Variants in PLOD1 observed in about 807,000 individuals in gnomAD.
PLOD1 encodes the protein procollagen-lysine,2-oxoglutarate 5-dioxygenase 1.
Under a neutral mutation model 94.7 loss-of-function variants are expected in PLOD1, and 70 were observed. The ratio of observed to expected loss-of-function variants is 0.74; its 90% CI spans 0.61 to 0.90. The LOEUF is 0.90. Ranked by LOEUF, PLOD1 falls within the 40% of genes least tolerant of loss-of-function variation. The pLI, the probability that PLOD1 is intolerant of heterozygous loss-of-function variation, is 0.00. For missense variants in PLOD1, 905 were observed against 972.7 expected (o/e 0.93, Z 0.93); for synonymous variants, 417 against 400.2 (o/e 1.04, Z -0.50).
At chr1:11,946,057 C>T (rs185951210) in intron 1 of PLOD1, among the ~76,000 whole-genome samples, 260 of 152,292 alleles carry the variant, frequency 1.7e-3, no homozygotes, top group African/African-American at 6.2e-3. Flanking sequence ...AAAGATTTTA[C>T]ATGCCTGATC....
rs1645791244 is a variant in PLOD1 at position 11,963,229 on chromosome 1, G to A, written c.1098-303G>A. ...GTACAAGTTACCAAATTGCATTTCA[G>A]AAAGGCAGCCCCAGCTTACTCCCCA... is the stretch of plus-strand genomic sequence containing the variant. On this transcript the variant is annotated intron_variant, in intron 10 of 18. Transcript: ENST00000196061. The surrounding 1 kb of genome is among the most constrained non-coding windows in gnomAD (Gnocchi z 4.3). Among the ~76,000 whole-genome samples the A allele has an allele frequency of 6.6e-6, 1 of 152,148 alleles. No individual in the cohort carries two copies. Among genetic ancestry groups the A allele is most frequent in the East Asian group, 1.9e-4 (1 of 5,190 alleles).
chr1:11,967,400 G>A (rs1645826308), intron 16 of PLOD1, among the ~76,000 whole-genome samples: 1 of 151,394 alleles, frequency 6.6e-6, no homozygotes, highest in Admixed American at 6.6e-5. Context: ...CCCCCAGGTG[G>A]AGCTGGGGAG....
rs1645795030 is a variant in PLOD1 at position 11,963,695 on chromosome 1, A to G, written c.1202+59A>G. On this transcript the variant is annotated intron_variant, in intron 11 of 18. Transcript: ENST00000196061. This position sits in a 1 kb window ranked among gnomAD's most constrained non-coding sequence, Gnocchi z 4.3. ...AGGACTGGCCTGGTCCTGGGGTGGC[A>G]GCCCTCCTTGCCTTCCTCCTCCTCC... 1 of 1,122,426 alleles carries G rather than the reference A, an allele frequency of 8.9e-7. No homozygotes were observed. The highest frequency in any genetic ancestry group is 1.3e-6 in the Non-Finnish European group (1 of 753,400). The allele number at this position is 1,122,426 out of a possible 1,614,324, so 69.5% of individuals were successfully genotyped here. A position where few individuals can be genotyped will look rare whatever the true frequency, so the allele number is the denominator to read the frequency against.
intron 1 of PLOD1, among the ~76,000 whole-genome samples, chr1:11,943,174 A>G (rs79276011): frequency 0.15 from 23,001 of 151,622 alleles, 2,579 homozygotes; most frequent in African/African-American, 0.32. Context: ...ATTTTTAGTA[A>G]AGATGGGGTT....
intron 1 of PLOD1, chr1:11,944,505 C>G: frequency 7.5e-7 from 1 of 1,329,538 alleles, no homozygotes; most frequent in Non-Finnish European, 1.0e-6. Flanking sequence ...ATGTGACACT[C>G]TTCCTGTCCC....
At chr1:11,947,113 A>G (rs1478296215) in intron 1 of PLOD1, among the ~76,000 whole-genome samples, 2 of 152,074 alleles carry the variant, frequency 1.3e-5, no homozygotes, top group Non-Finnish European at 2.9e-5. Context: ...TATTAAAAAT[A>G]CAAAAATTAG....
In PLOD1 at chr1:11,957,837, G is replaced by A. The variant is rs746658625; in HGVS notation, c.742-5G>A. ...CTTCTCTGTGACCCCACGTCTCCCC[G>A]ACAGCTGCAGTTGAACTACCTGGGC... On this transcript the variant is annotated splice_region_variant and splice_polypyrimidine_tract_variant and intron_variant, in intron 7 of 18. Transcript: ENST00000196061. This position sits in a 1 kb window ranked among gnomAD's most constrained non-coding sequence, Gnocchi z 4.1. The A allele has an allele frequency of 4.1e-5, 66 of 1,610,248 alleles. No individual in the cohort carries two copies. Among genetic ancestry groups the A allele is most frequent in the Middle Eastern group, 1.6e-4 (1 of 6,074 alleles).
chr1:11,944,880 C>A, intron 1 of PLOD1, among the ~76,000 whole-genome samples: 1 of 152,238 alleles, frequency 6.6e-6, no homozygotes, highest in East Asian at 1.9e-4. Flanking sequence ...TTCCTCCTGA[C>A]TTCCTGAGGT....
At chr1:11,962,940 C>T (rs1402556113) in intron 10 of PLOD1, among the ~76,000 whole-genome samples, 1 of 151,940 alleles carries the variant, frequency 6.6e-6, no homozygotes, top group East Asian at 1.9e-4. Context: ...ACTTGGGAGG[C>T]AGAGGCAGGA....
chr1:11,935,286 A>C (rs1283721378), intron 1 of PLOD1, among the ~76,000 whole-genome samples: 1 of 151,992 alleles, frequency 6.6e-6, no homozygotes, highest in Non-Finnish European at 1.5e-5. Flanking sequence ...TGGGCCTTGG[A>C]ACCAGGATTT....
chr1:11,941,742 T>C (rs137857309), intron 1 of PLOD1, among the ~76,000 whole-genome samples: 3,888 of 152,020 alleles, frequency 0.026, 161 homozygotes, highest in African/African-American at 0.088. Context: ...CCTAGGCCTC[T>C]CAAAGTGCTA....
At position 11,951,369 on chromosome 1, in the gene PLOD1, C is replaced by G. The variant is rs1182466981; in HGVS notation, c.466+849C>G. On this transcript the variant is annotated intron_variant, in intron 4 of 18. Coordinates refer to ENST00000196061, the MANE Select transcript of PLOD1 (RefSeq NM_000302.4). Reference sequence around the variant, plus strand: ...TCACTTGAGGCCAGGAGTTCAAGACCAGCCTGGCCAACATGGCGAAACCCC... The same window carrying G: ...TCACTTGAGGCCAGGAGTTCAAGACGAGCCTGGCCAACATGGCGAAACCCC... 2.2e-4 allele frequency among the ~76,000 whole-genome samples: 33 copies of G among 149,734 alleles called. No homozygotes were observed. In the East Asian group the frequency reaches 6.6e-3, roughly 30 times the overall value.
In PLOD1 at chr1:11,957,305, G is replaced by C; in HGVS notation, c.741+291G>C. The C allele has an allele frequency of 4.8e-6, 3 of 625,942 alleles. No individual in the cohort carries two copies. The Middle Eastern group carries it at 8.1e-4, about 170-fold the overall frequency. The allele number at this position is 625,942 out of a possible 1,614,324, so 38.8% of individuals were successfully genotyped here. A position where few individuals can be genotyped will look rare whatever the true frequency, so the allele number is the denominator to read the frequency against. ...CCATCTGCACTGTCACCCCAGGGCA[G>C]AGTCACTTATTCACTCAGTAAACCT... On this transcript the variant is annotated intron_variant, in intron 7 of 18. Transcript: ENST00000196061. This position sits in a 1 kb window ranked among gnomAD's most constrained non-coding sequence, Gnocchi z 4.1.
chr1:11,944,031 C>T (rs986271880), intron 1 of PLOD1, among the ~76,000 whole-genome samples: 9 of 151,976 alleles, frequency 5.9e-5, no homozygotes, highest in Non-Finnish European at 8.8e-5. Context: ...CATGAGTTTG[C>T]GACCAGCCTG....
Position 11,960,765 on chromosome 1 carries a change from C to T in PLOD1, c.1095C>T (p.Gly365=), listed in dbSNP as rs1032781250. 6.2e-6 allele frequency: 10 copies of T among 1,612,726 alleles called. No homozygotes were observed. The highest frequency in any genetic ancestry group is 1.8e-4 in the Middle Eastern group (1 of 5,588). ...CGAATGCAGATGCCAGGAACATGGG[C>T]GCGTGAGTTGTGGGCCACAGTACTC... ...RMANADARNM[G]ADLCRQDRSC... The change falls in exon 10 of 19, where the codon GGC becomes GGT. Residue 365 remains glycine (G), a splice_region_variant and synonymous_variant. Coordinates refer to ENST00000196061, the MANE Select transcript of PLOD1 (RefSeq NM_000302.4).
In PLOD1 at chr1:11,970,716, T is replaced by G; in HGVS notation, c.1802T>G (p.Ile601Ser). The G allele has an allele frequency of 6.2e-7, 1 of 1,612,806 alleles. No homozygotes were observed. The highest frequency in any genetic ancestry group is 1.1e-5 in the South Asian group (1 of 91,038). The change falls in exon 17 of 19, where the codon ATC becomes AGC. Residue 601 changes from isoleucine (I) to serine (S), a missense_variant. By Grantham distance (142) the Ile-to-Ser change is moderately radical. Coordinates refer to ENST00000196061, the MANE Select transcript of PLOD1 (RefSeq NM_000302.4). ...GGYENVPTID[I>S]HMNQIGFERE... is the part of the protein sequence containing the mutation. ...TACGAGAACGTGCCGACTATTGACA[T>G]CCACATGAACCAGATCGGCTTTGAG...
chr1:11,966,166 A>T lies in PLOD1; in HGVS notation c.1585-85A>T. Reference sequence around the variant, plus strand: ...GCCTCTGTCAAGCACGTACACCTTCACTCCCACTTTGAGGGGTCTGCTCTG... The same window carrying T: ...GCCTCTGTCAAGCACGTACACCTTCTCTCCCACTTTGAGGGGTCTGCTCTG... On this transcript the variant is annotated intron_variant, in intron 14 of 18. Transcript: ENST00000196061. The T allele has an allele frequency of 6.2e-6, 6 of 965,994 alleles. 1 individual carries two copies. In the South Asian group the frequency reaches 8.2e-5, roughly 13 times the overall value. 59.8% of individuals were successfully genotyped at this position (965,994 alleles called of 1,614,324 possible). A position where few individuals can be genotyped will look rare whatever the true frequency, so the allele number is the denominator to read the frequency against.
intron 9 of PLOD1, among the ~76,000 whole-genome samples, chr1:11,959,523 A>G (rs540945058): frequency 1.4e-3 from 205 of 150,208 alleles, no homozygotes; most frequent in Non-Finnish European, 1.8e-3. Flanking sequence ...GCTCACTGCA[A>G]CCTCTGCCTC....
chr1:11,964,917 A>G, intron 13 of PLOD1, 132 bp downstream of exon 13: 1 of 991,306 alleles, frequency 1.0e-6, no homozygotes, highest in Non-Finnish European at 1.5e-6. Context: ...CTAGCAGGGC[A>G]TCTCGGAAGC....
Sources: allele counts gnomAD v4.1 joint callset (sites outside exome capture counted in the v4.1 genomes callset), GRCh38; gene constraint gnomAD v4.1.1; non-coding constraint Gnocchi (gnomAD v3.1); transcripts MANE v1.5; gene names NCBI Gene and HGNC (gene_info 2026-07-23, HGNC 2026-07-21).